PARP11: variants seen among roughly 807,000 people sequenced by gnomAD.
The protein encoded by PARP11 is protein mono-ADP-ribosyltransferase PARP11.
Under a neutral mutation model 42.9 loss-of-function variants are expected in PARP11, and 31 were observed. The observed-to-expected ratio is 0.72, with a 90% CI of 0.54 to 0.98. The LOEUF (loss-of-function observed/expected upper bound fraction) is 0.98, where lower values mean the gene tolerates loss of function less well. Among genes scored for constraint, PARP11 ranks in the 50% least tolerant of loss-of-function variants. PARP11 has a pLI of 0.00. For missense variants in PARP11, 365 were observed against 413.1 expected, an observed-to-expected ratio of 0.88 and a Z score of 1.01; for synonymous variants, 137 against 127.3, an observed-to-expected ratio of 1.08 and a Z score of -0.51.
At chr12:3,838,313 C>A (rs1352503140) in intron 1 of PARP11, among the ~76,000 whole-genome samples, 1 of 151,854 alleles carries the variant, frequency 6.6e-6, no homozygotes, top group Non-Finnish European at 1.5e-5. Context: ...GGAAACTACA[C>A]AAAAACATGG....
At position 3,828,985 on chromosome 12, in the gene PARP11, T is replaced by C. The variant is rs2138043266; in HGVS notation, c.193A>G (p.Lys65Glu). 5 of 1,614,066 alleles carry C rather than the reference T, an allele frequency of 3.1e-6. No homozygotes were observed. The highest frequency in any genetic ancestry group is 1.1e-5 in the South Asian group (1 of 91,082). The stretch of plus-strand genomic sequence containing the variant: ...CCACAAGGGTTTGTTTTGAAGCTTT[T>C]TTCGATATCTTCACTGCTAACTGAA... ...QCSVSSEDIE[K>E]SFKTNPCGSI... Residue 65 changes from lysine (K) to glutamate (E), a missense_variant, in exon 3 of 8, where the codon AAA becomes GAA. Transcript: ENST00000228820.
At chr12:3,831,856 T>G (rs776897724) in intron 1 of PARP11, among the ~76,000 whole-genome samples, 2 of 150,820 alleles carry the variant, frequency 1.3e-5, no homozygotes, top group African/African-American at 2.5e-5. Flanking sequence ...TTCCTACTGC[T>G]TTTTTTTATT....
intron 1 of PARP11, chr12:3,842,040 A>G (rs1947899369): frequency 1.9e-6 from 3 of 1,611,314 alleles, no homozygotes; most frequent in South Asian, 2.2e-5. Context: ...TCCCTCCTGT[A>G]GCAGAGGGAA....
intron 6 of PARP11, 50 bp downstream of exon 6, chr12:3,821,823 C>G (rs1479426896): frequency 6.5e-7 from 1 of 1,544,694 alleles, no homozygotes; most frequent in Non-Finnish European, 8.8e-7. Context: ...ATGTTTTAAC[C>G]ATAAAAGACA....
chr12:3,819,945 G>A (rs1947360519), intron 6 of PARP11, among the ~76,000 whole-genome samples: 1 of 152,088 alleles, frequency 6.6e-6, no homozygotes, highest in South Asian at 2.1e-4. Flanking sequence ...CCAGACTTTG[G>A]TTCTTACTGC....
intron 1 of PARP11, among the ~76,000 whole-genome samples, chr12:3,839,124 C>G (rs1451308140): frequency 6.6e-6 from 1 of 150,960 alleles, no homozygotes; most frequent in Non-Finnish European, 1.5e-5. Flanking sequence ...CTCCCCTACG[C>G]GCCCGGAGAG....
intron 4 of PARP11, chr12:3,824,721 C>T (rs1179699075): frequency 1.1e-5 from 6 of 550,460 alleles, no homozygotes; most frequent in Non-Finnish European, 1.4e-5. Flanking sequence ...TGTTTCTTGT[C>T]TCCACCAAAG....
chr12:3,864,449 ACCT>A (rs1349327806), intron 1 of PARP11, among the ~76,000 whole-genome samples: 5 of 152,094 alleles, frequency 3.3e-5, no homozygotes, highest in Non-Finnish European at 7.4e-5. Flanking sequence ...GTGAAGTATT[ACCT>A]CCTCTTCCAT....
At chr12:3,838,955 C>T (rs1947825029) in intron 1 of PARP11, among the ~76,000 whole-genome samples, 1 of 152,114 alleles carries the variant, frequency 6.6e-6, no homozygotes, top group Non-Finnish European at 1.5e-5. Flanking sequence ...CTTGTGGGGG[C>T]GGCGACCCCC....
intron 6 of PARP11, among the ~76,000 whole-genome samples, chr12:3,817,182 TTC>T (rs1352417046): frequency 7.8e-6 from 1 of 128,342 alleles, no homozygotes; most frequent in Non-Finnish European, 1.6e-5. Flanking sequence ...CAGAAAGAGA[TTC>T]TGTCTCAAAA....
Position 3,810,012 on chromosome 12 carries a change from G to A in PARP11, c.*2111C>T, listed in dbSNP as rs139000351. 2 of 152,276 alleles carry A rather than the reference G, an allele frequency of 1.3e-5. No individual in the cohort carries two copies. Among genetic ancestry groups the A allele is most frequent in the African/African-American group, 4.8e-5 (2 of 41,532 alleles). The allele number at this position is 152,276 out of a possible 1,614,324, so 9.4% of individuals were successfully genotyped here. On this transcript the variant is annotated 3_prime_UTR_variant, in exon 8 of 8. Coordinates refer to ENST00000228820, the MANE Select transcript of PARP11 (RefSeq NM_020367.6). ...CCACTGCACAATTACACATATGCTG[G>A]TCTATAACGGAAATCTGGGATAGAT... is the stretch of plus-strand genomic sequence containing the variant.
chr12:3,866,376 C>A (rs577689488), intron 1 of PARP11, among the ~76,000 whole-genome samples: 1 of 152,164 alleles, frequency 6.6e-6, no homozygotes, highest in East Asian at 1.9e-4. Context: ...CAGTCCTAGC[C>A]CTTCTTGTTT....
chr12:3,860,384 C>T (rs1174945960), intron 1 of PARP11, among the ~76,000 whole-genome samples: 2 of 152,130 alleles, frequency 1.3e-5, no homozygotes, highest in Non-Finnish European at 2.9e-5. Flanking sequence ...TTCCTTGGTT[C>T]AACAAAAGAA....
In PARP11 at chr12:3,809,752, G is replaced by C. The variant is rs1947132417; in HGVS notation, c.*2371C>G. ...CTGAATTCCTAATGTCTCTAACATT[G>C]TTTTTTGTGAACGGGTTTAGAGCCA... On this transcript the variant is annotated 3_prime_UTR_variant, in exon 8 of 8. Transcript: ENST00000228820. The C allele has an allele frequency of 6.6e-6, 1 of 152,172 alleles. No homozygotes were observed. Among genetic ancestry groups the C allele is most frequent in the Non-Finnish European group, 1.5e-5 (1 of 68,024 alleles). The allele number at this position is 152,172 out of a possible 1,614,324, so 9.4% of individuals were successfully genotyped here.
chr12:3,812,177 A>G lies in PARP11; in HGVS notation c.963T>C (p.Phe321=), dbSNP rs1450987359. 6.2e-7 allele frequency: 1 copy of G among 1,614,016 alleles called. No individual in the cohort carries two copies. Among genetic ancestry groups the G allele is most frequent in the African/African-American group, 1.3e-5 (1 of 74,914 alleles). Residue 321 remains phenylalanine (F), a synonymous_variant, in exon 8 of 8, where the codon TTT becomes TTC. Transcript: ENST00000228820. ...CVDDTWNPKI[F]VVFDANQIYP... Reference sequence around the variant, plus strand: ...AGATTTGGTTGGCATCAAAAACCACAAAGATCTTTGGGTTCCAGGTATCAT... The same window carrying G: ...AGATTTGGTTGGCATCAAAAACCACGAAGATCTTTGGGTTCCAGGTATCAT...
chr12:3,830,187 A>G (rs1324978139), intron 1 of PARP11, among the ~76,000 whole-genome samples, 169 bp from the exon 2 acceptor site: 1 of 152,232 alleles, frequency 6.6e-6, no homozygotes, highest in Non-Finnish European at 1.5e-5. Context: ...ATAAACATTA[A>G]AAATGTTGGA....
Position 3,809,215 on chromosome 12 carries a change from T to C in PARP11, c.*2908A>G, listed in dbSNP as rs776778536. ...GGTTGTGTCCAGTATTATTATATAC[T>C]GGTTATATAATTCTCAAATGTACTG... On this transcript the variant is annotated 3_prime_UTR_variant, in exon 8 of 8. Coordinates refer to ENST00000228820, the MANE Select transcript of PARP11 (RefSeq NM_020367.6). The C allele has an allele frequency of 1.3e-5, 2 of 152,230 alleles. No homozygotes were observed. Among genetic ancestry groups the C allele is most frequent in the Non-Finnish European group, 2.9e-5 (2 of 68,036 alleles). 9.4% of individuals were successfully genotyped at this position (152,230 alleles called of 1,614,324 possible). A position where few individuals can be genotyped will look rare whatever the true frequency, so the allele number is the denominator to read the frequency against.
intron 1 of PARP11, among the ~76,000 whole-genome samples, chr12:3,850,865 C>T (rs1255247791): frequency 6.6e-6 from 1 of 152,040 alleles, no homozygotes; most frequent in African/African-American, 2.4e-5. Flanking sequence ...TATATATGAT[C>T]TGAAGAAAGA....
intron 7 of PARP11, among the ~76,000 whole-genome samples, 198 bp downstream of exon 7, chr12:3,813,839 C>T (rs1591755822): frequency 1.3e-5 from 2 of 152,286 alleles, no homozygotes; most frequent in Admixed American, 1.3e-4. Context: ...CACTAATATT[C>T]TTACCTATGA....
Sources: allele counts gnomAD v4.1 joint callset (sites outside exome capture counted in the v4.1 genomes callset), GRCh38; gene constraint gnomAD v4.1.1; transcripts MANE v1.5; gene names NCBI Gene and HGNC (gene_info 2026-07-23, HGNC 2026-07-21).